XPO6: variants seen among roughly 807,000 people sequenced by gnomAD.
XPO6 encodes exportin 6, also known as exportin-6.
Under a neutral mutation model 130.0 loss-of-function variants are expected in XPO6, and 3 were observed. The ratio of observed to expected loss-of-function variants is 0.02; its 90% confidence interval spans 0.01 to 0.06. The LOEUF (loss-of-function observed/expected upper bound fraction) is 0.06, where lower values mean the gene tolerates loss of function less well. Among genes scored for constraint, XPO6 ranks in the 10% least tolerant of loss-of-function variants. The pLI is 1.00. For missense variants in XPO6, 970 were observed against 1,393.0 expected, an observed-to-expected ratio of 0.70 and a Z score of 4.83; for synonymous variants, 524 against 548.9, an observed-to-expected ratio of 0.95 and a Z score of 0.63.
chr16:28,121,906 G>T lies in XPO6; in HGVS notation c.1767-144C>A, dbSNP rs192821136. ...ATCAAGACCAGACTTTCAATTTTAT[G>T]CCAAGGAAATAATCTGAGATATGCA... On this transcript the variant is annotated intron_variant, in intron 13 of 23. Coordinates refer to ENST00000304658, the MANE Select transcript of XPO6 (RefSeq NM_015171.4). 1.2e-4 allele frequency: 74 copies of T among 601,514 alleles called. No individual in the cohort carries two copies. In the East Asian group the frequency reaches 2.0e-3, roughly 16 times the overall value. 37.3% of individuals were successfully genotyped at this position (601,514 alleles called of 1,614,324 possible). A position where few individuals can be genotyped will look rare whatever the true frequency, so the allele number is the denominator to read the frequency against.
intron 12 of XPO6, among the ~76,000 whole-genome samples, chr16:28,128,037 T>C (rs927982244): frequency 1.3e-5 from 2 of 152,080 alleles, no homozygotes; most frequent in African/African-American, 4.8e-5. Context: ...ACCAATGAAC[T>C]GAGAGGGATT....
intron 7 of XPO6, chr16:28,154,368 A>C (rs1000734013): frequency 1.2e-6 from 1 of 804,442 alleles, no homozygotes; most frequent in Non-Finnish European, 1.5e-6. Flanking sequence ...TCAGTAGCTA[A>C]AACTACAGAT....
chr16:28,152,026 T>C (rs1003508786), intron 8 of XPO6, among the ~76,000 whole-genome samples: 7 of 152,214 alleles, frequency 4.6e-5, no homozygotes, highest in African/African-American at 1.4e-4. Flanking sequence ...TCATGGTATA[T>C]AAAATTATAC....
intron 8 of XPO6, among the ~76,000 whole-genome samples, chr16:28,151,415 A>C (rs1444566627): frequency 6.6e-6 from 1 of 152,182 alleles, no homozygotes; most frequent in African/African-American, 2.4e-5. Context: ...TGCCACACAC[A>C]ACGCAAACGA....
At chr16:28,148,590 C>A (rs1245106223) in intron 8 of XPO6, among the ~76,000 whole-genome samples, 1 of 152,224 alleles carries the variant, frequency 6.6e-6, no homozygotes, top group Non-Finnish European at 1.5e-5. Context: ...GTTTAGTTTT[C>A]ATTTGCATTG....
intron 12 of XPO6, among the ~76,000 whole-genome samples, chr16:28,127,053 TC>T (rs1362307944): frequency 2.0e-5 from 3 of 152,188 alleles, no homozygotes; most frequent in African/African-American, 7.2e-5. Flanking sequence ...AGCTTGCAGC[TC>T]CCCTGAAGCA....
Position 28,211,362 on chromosome 16 carries a change from T to C in XPO6, c.3+4A>G, listed in dbSNP as rs766146340. On this transcript the variant is annotated splice_donor_region_variant and intron_variant, in intron 1 of 23. Coordinates refer to ENST00000304658, the MANE Select transcript of XPO6 (RefSeq NM_015171.4). ...GGAGGGAAGGGGGCTCCAATTCCACTTACCATGCTGGCCGGGGAGGGGGCG... is the reference window on the plus strand; with the variant it reads ...GGAGGGAAGGGGGCTCCAATTCCACCTACCATGCTGGCCGGGGAGGGGGCG... 1 of 1,312,456 alleles carries C rather than the reference T, an allele frequency of 7.6e-7. No individual in the cohort carries two copies. The highest frequency in any genetic ancestry group is 1.5e-5 in the African/African-American group (1 of 66,374). The allele number at this position is 1,312,456 out of a possible 1,614,324, so 81.3% of individuals were successfully genotyped here. A position where few individuals can be genotyped will look rare whatever the true frequency, so the allele number is the denominator to read the frequency against.
chr16:28,120,033 C>T (rs1169068977), intron 14 of XPO6, among the ~76,000 whole-genome samples: 8 of 152,076 alleles, frequency 5.3e-5, no homozygotes, highest in Admixed American at 3.3e-4. Flanking sequence ...TTGGTAGAGA[C>T]AGGGTTTCAC....
intron 1 of XPO6, among the ~76,000 whole-genome samples, chr16:28,197,089 T>C (rs1044032373): frequency 1.3e-5 from 2 of 152,234 alleles, no homozygotes; most frequent in Non-Finnish European, 2.9e-5. Flanking sequence ...CCGTCTCTAC[T>C]AAAAATACAA....
At chr16:28,120,392 G>A (rs1392801449) in intron 14 of XPO6, among the ~76,000 whole-genome samples, 3 of 152,132 alleles carry the variant, frequency 2.0e-5, no homozygotes, top group Non-Finnish European at 4.4e-5. Flanking sequence ...GTTACTGAAA[G>A]TTTGAAATTC....
chr16:28,146,382 C>A, intron 8 of XPO6, 179 bp from the exon 9 acceptor site: 1 of 564,822 alleles, frequency 1.8e-6, no homozygotes. Context: ...CCCTCCTGAA[C>A]CTTACAAGAC....
At chr16:28,148,712 G>T (rs1713928697) in intron 8 of XPO6, among the ~76,000 whole-genome samples, 1 of 152,074 alleles carries the variant, frequency 6.6e-6, no homozygotes, top group African/African-American at 2.4e-5. Context: ...TCTTGCCCAA[G>T]GTAACAAGAC....
chr16:28,132,275 A>G lies in XPO6; in HGVS notation c.1606+59T>C, dbSNP rs977822105. 14 of 1,308,496 alleles carry G rather than the reference A, an allele frequency of 1.1e-5. No individual in the cohort carries two copies. The highest frequency in any genetic ancestry group is 5.7e-5 in the Admixed American group (3 of 52,564). 81.1% of individuals were successfully genotyped at this position (1,308,496 alleles called of 1,614,324 possible). A position where few individuals can be genotyped will look rare whatever the true frequency, so the allele number is the denominator to read the frequency against. On this transcript the variant is annotated intron_variant, in intron 12 of 23. Transcript: ENST00000304658. The surrounding 1 kb of genome is among the most constrained non-coding windows in gnomAD (Gnocchi z 4.0). ...CGACAGCAACGGCAGCAGTAATGAA[A>G]TATCAGTCCGATGGTTTTTTGAATG...
Position 28,113,050 on chromosome 16 carries a change from C to A in XPO6, c.2005G>T (p.Val669Phe). The A allele has an allele frequency of 1.2e-6, 2 of 1,613,438 alleles. No homozygotes were observed. The highest frequency in any genetic ancestry group is 1.7e-6 in the Non-Finnish European group (2 of 1,179,672). The change falls in exon 16 of 24, where the codon GTC becomes TTC. Residue 669 changes from valine to phenylalanine, a missense_variant and splice_region_variant. Physicochemically the swap from Val to Phe is conservative, Grantham distance 50 (BLOSUM62 -1). Coordinates refer to ENST00000304658, the MANE Select transcript of XPO6 (RefSeq NM_015171.4). Reference protein sequence around the residue: ...DAITPLISTKVQDKLLLSACH... With the variant: ...DAITPLISTKFQDKLLLSACH... ...GCAGATAGCAGCAGCTTGTCTTGGACCTGCAGAGGGAAGAGGGCACGTCAG... is the reference window on the plus strand; with the variant it reads ...GCAGATAGCAGCAGCTTGTCTTGGAACTGCAGAGGGAAGAGGGCACGTCAG...
intron 5 of XPO6, chr16:28,167,181 A>T (rs2043370409): frequency 1.0e-6 from 1 of 985,150 alleles, no homozygotes; most frequent in African/African-American, 1.7e-5. Context: ...GACTATATAC[A>T]CCAAGCTCTG....
At chr16:28,170,307 G>A (rs2043428591) in intron 4 of XPO6, among the ~76,000 whole-genome samples, 1 of 149,324 alleles carries the variant, frequency 6.7e-6, no homozygotes, top group East Asian at 2.0e-4. Flanking sequence ...ATTCCAGCCT[G>A]GGCACCGAGA....
intron 4 of XPO6, among the ~76,000 whole-genome samples, chr16:28,174,637 T>C (rs1380739211): frequency 2.0e-5 from 3 of 152,216 alleles, no homozygotes; most frequent in Admixed American, 1.3e-4. Flanking sequence ...TGAAGAATTT[T>C]TGTGCCCCTT....
chr16:28,166,942 C>G (rs936317618), intron 5 of XPO6: 7 of 636,612 alleles, frequency 1.1e-5, no homozygotes, highest in Non-Finnish European at 1.4e-5. Flanking sequence ...GCTGGTAGCA[C>G]CACTCTTTCC....
Position 28,104,712 on chromosome 16 carries a change from A to G in XPO6, c.2785-5T>C, listed in dbSNP as rs756069229. The G allele has an allele frequency of 6.8e-6, 11 of 1,613,536 alleles. No homozygotes were observed. Among genetic ancestry groups the G allele is most frequent in the African/African-American group, 4.0e-5 (3 of 74,948 alleles). ...CTTCACATCAGGGGAGGGACGCTGC[A>G]AAGACACACAGACGCTCAGACCTGC... On this transcript the variant is annotated splice_polypyrimidine_tract_variant and splice_region_variant and intron_variant, in intron 20 of 23. Transcript: ENST00000304658.
Sources: gnomAD v4.1 joint callset for allele counts (sites outside exome capture counted in the v4.1 genomes callset) on GRCh38, gnomAD v4.1.1 for gene constraint, Gnocchi (gnomAD v3.1) non-coding constraint, MANE v1.5 for transcripts, NCBI Gene and HGNC (gene_info 2026-07-23, HGNC 2026-07-21) for gene names.